The following SLC2A14 variants were observed in gnomAD, a reference collection of about 807,000 sequenced individuals.
SLC2A14 encodes solute carrier family 2 member 14.
A neutral mutation model predicts 43.0 loss-of-function variants in SLC2A14; 13 were observed. That is an observed-to-expected ratio of 0.30 (90% CI 0.20 to 0.48). SLC2A14 has a LOEUF of 0.48. Among genes scored for constraint, SLC2A14 ranks in the 20% least tolerant of loss-of-function variants. The pLI, the probability that SLC2A14 is intolerant of heterozygous loss-of-function variation, is 0.99. For synonymous variants in SLC2A14, 190 were observed against 233.8 expected (o/e 0.81, Z 1.71); for missense variants, 428 against 620.4 (o/e 0.69, Z 3.29).
At chr12:7,835,908 C>A (rs946497958) in intron 2 of SLC2A14, among the ~76,000 whole-genome samples, 1 of 152,182 alleles carries the variant, frequency 6.6e-6, no homozygotes, top group African/African-American at 2.4e-5. Context: ...AATAAGTCCT[C>A]AGGATTAAGA....
Position 7,823,993 on chromosome 12 carries a change from C to G in SLC2A14, c.865-2668G>C, listed in dbSNP as rs932128228. 5.3e-5 allele frequency among the ~76,000 whole-genome samples: 8 copies of G among 152,256 alleles called. No individual in the cohort carries two copies. The South Asian group carries it at 8.3e-4, about 16-fold the overall frequency. ...ATAATTGGCCAGGCGCAGTTGCTCA[C>G]GACTGTAATCCCAGCACATTGGGAG... On this transcript the variant is annotated intron_variant, in intron 7 of 10. Coordinates refer to ENST00000431042, the MANE Select transcript of SLC2A14 (RefSeq NM_001286234.2).
At chr12:7,838,203 T>A (rs773679056) in intron 2 of SLC2A14, among the ~76,000 whole-genome samples, 45 of 152,184 alleles carry the variant, frequency 3.0e-4, no homozygotes, top group Admixed American at 1.0e-3. Flanking sequence ...TTCTCCTGCC[T>A]CAGCCTCCAG....
At chr12:7,852,346 T>C (rs1867005721) in intron 2 of SLC2A14, among the ~76,000 whole-genome samples, 1 of 152,122 alleles carries the variant, frequency 6.6e-6, no homozygotes. Context: ...GACAGAAAAA[T>C]GTAAACTTTT....
chr12:7,846,026 G>A (rs919978274), intron 2 of SLC2A14, among the ~76,000 whole-genome samples: 4 of 151,930 alleles, frequency 2.6e-5, no homozygotes, highest in African/African-American at 4.8e-5. Flanking sequence ...CTGGGAGGTC[G>A]AGGCTGCAGA....
intron 1 of SLC2A14, 122 bp from the exon 2 acceptor site, chr12:7,870,059 GA>G (rs750132135): frequency 2.1e-5 from 11 of 529,806 alleles, no homozygotes; most frequent in Non-Finnish European, 3.3e-5. Flanking sequence ...GAAGAAAAGT[GA>G]AAATTTATAT....
At position 7,881,222 on chromosome 12, in the gene SLC2A14, C is replaced by T. The variant is rs988913413; in HGVS notation, c.132+9774G>A. 2.0e-5 allele frequency among the ~76,000 whole-genome samples: 3 copies of T among 152,238 alleles called. No homozygotes were observed. In the East Asian group the frequency reaches 5.8e-4, roughly 29 times the overall value. On this transcript the variant is annotated intron_variant, in intron 1 of 9. Coordinates refer to the SLC2A14 transcript ENST00000539924. The stretch of plus-strand genomic sequence containing the variant: ...AGCCCCCTGCTGCACTATGGGAGCC[C>T]CTTCCTGGGCTGGCCTAGGCCGGAG...
rs1332247977 is a variant in SLC2A14, at chr12:7,817,771, G to GATAGATAGATAA, written c.1275+59_1275+60insTTATCTATCTAT. ...ATATATATAGATAGATAGATAGATA[G>GATAGATAGATAA]ATAGATAGACAGATACATAGATAGA... On this transcript the variant is annotated intron_variant, in intron 10 of 10. Transcript: ENST00000431042. 5.0e-4 allele frequency: 784 copies of GATAGATAGATAA among 1,563,988 alleles called. 14 individuals carry two copies. The South Asian group carries it at 8.3e-3, about 16-fold the overall frequency.
chr12:7,864,622 G>A (rs1261321930), intron 2 of SLC2A14, among the ~76,000 whole-genome samples: 3 of 152,204 alleles, frequency 2.0e-5, no homozygotes, highest in African/African-American at 7.2e-5. Flanking sequence ...ACAGGCGTGA[G>A]CCACCGTGCC....
intron 1 of SLC2A14, chr12:7,871,100 A>G: frequency 7.4e-7 from 1 of 1,352,318 alleles, no homozygotes; most frequent in Non-Finnish European, 9.8e-7. Flanking sequence ...GGGCCCATCA[A>G]CTTCACCACT....
At chr12:7,888,595 C>T (rs1236132948) in intron 1 of SLC2A14, among the ~76,000 whole-genome samples, 2 of 151,864 alleles carry the variant, frequency 1.3e-5, no homozygotes, top group East Asian at 1.9e-4. Flanking sequence ...GTCAAGAGAT[C>T]GAGACCATCC....
intron 4 of SLC2A14, 40 bp downstream of exon 4, chr12:7,831,564 C>G: frequency 6.2e-7 from 1 of 1,611,430 alleles, no homozygotes; most frequent in Non-Finnish European, 8.5e-7. Flanking sequence ...CCCAATGCAT[C>G]TGGTAGAGCC....
At position 7,821,233 on chromosome 12, in the gene SLC2A14, G is replaced by A; in HGVS notation, c.957C>T (p.Phe319=). The A allele has an allele frequency of 6.2e-7, 1 of 1,613,302 alleles. No individual in the cohort carries two copies. Among genetic ancestry groups the A allele is most frequent in the South Asian group, 1.1e-5 (1 of 91,012 alleles). The part of the protein sequence containing the change: ...TISAGVVNTI[F]TLLSLFLVER... ...CCATCCAACTTACAGAAAGTAAAGT[G>A]AAGATAGTATTAACCACACCCGCGC... Residue 319 remains phenylalanine, a synonymous_variant, in exon 8 of 11, where the codon TTC becomes TTT. Coordinates refer to ENST00000431042, the MANE Select transcript of SLC2A14 (RefSeq NM_001286234.2).
intron 2 of SLC2A14, among the ~76,000 whole-genome samples, chr12:7,852,984 C>G (rs1230285157): frequency 6.6e-6 from 1 of 152,120 alleles, no homozygotes; most frequent in Non-Finnish European, 1.5e-5. Flanking sequence ...CTCTCTCTCT[C>G]CTTTTAAATT....
intron 2 of SLC2A14, among the ~76,000 whole-genome samples, chr12:7,856,717 G>A (rs1867417471): frequency 1.3e-5 from 2 of 152,130 alleles, no homozygotes; most frequent in Non-Finnish European, 2.9e-5. Flanking sequence ...AGTATCTTCA[G>A]GGAGGCTGTT....
intron 7 of SLC2A14, among the ~76,000 whole-genome samples, chr12:7,825,052 G>T (rs899343975): frequency 6.6e-6 from 1 of 152,046 alleles, no homozygotes; most frequent in African/African-American, 2.4e-5. Flanking sequence ...TCTGGATTCA[G>T]CTGACTCAGG....
chr12:7,864,323 T>C (rs1321034372), intron 2 of SLC2A14, among the ~76,000 whole-genome samples: 1 of 152,040 alleles, frequency 6.6e-6, no homozygotes, highest in African/African-American at 2.4e-5. Flanking sequence ...GGTTTGAGCT[T>C]TTAACGTCTT....
chr12:7,828,263 G>T (rs925847502), intron 6 of SLC2A14, among the ~76,000 whole-genome samples: 4 of 151,998 alleles, frequency 2.6e-5, no homozygotes, highest in African/African-American at 9.7e-5. Context: ...TACTCGGGAG[G>T]CTAAGGCAGG....
At position 7,843,375 on chromosome 12, in the gene SLC2A14, G is replaced by C. The variant is rs1230384161; in HGVS notation, c.19-10561C>G. Among the ~76,000 whole-genome samples, 4 of 143,804 alleles carry C rather than the reference G, an allele frequency of 2.8e-5. No homozygotes were observed. The East Asian group carries it at 8.2e-4, about 29-fold the overall frequency. 94.3% of individuals were successfully genotyped at this position (143,804 alleles called of 152,430 possible). A position where few individuals can be genotyped will look rare whatever the true frequency, so the allele number is the denominator to read the frequency against. On this transcript the variant is annotated intron_variant, in intron 2 of 10. Coordinates refer to ENST00000431042, the MANE Select transcript of SLC2A14 (RefSeq NM_001286234.2). ...TCAAAAAGAGTGGATGAAAGCCTGA[G>C]AATGCGGCTGTAAAGGCTACTGGAA...
chr12:7,857,819 C>A (rs1188627396), intron 2 of SLC2A14, among the ~76,000 whole-genome samples: 1 of 152,006 alleles, frequency 6.6e-6, no homozygotes, highest in African/African-American at 2.4e-5. Context: ...TGCTGCTGGG[C>A]CTGGCCCATA....
Sources: gnomAD v4.1 joint callset for allele counts (sites outside exome capture counted in the v4.1 genomes callset) on GRCh38, gnomAD v4.1.1 for gene constraint, MANE v1.5 for transcripts, NCBI Gene and HGNC (gene_info 2026-07-23, HGNC 2026-07-21) for gene names.